Variants in TBX4 observed in about 807,000 individuals in gnomAD.
The protein encoded by TBX4 is T-box transcription factor TBX4.
Under a neutral mutation model 54.6 loss-of-function variants are expected in TBX4, and 13 were observed. The ratio of observed to expected loss-of-function variants is 0.24; its 90% CI spans 0.15 to 0.38. The LOEUF (loss-of-function observed/expected upper bound fraction) is 0.38. Ranked by LOEUF, TBX4 falls within the 10% of genes least tolerant of loss-of-function variation. The pLI is 1.00. For synonymous variants in TBX4, 314 were observed against 306.7 expected (o/e 1.02, Z -0.25); for missense variants, 631 against 728.5 (o/e 0.87, Z 1.54).
chr17:61,453,152 T>C (rs1400295895), intron 1 of TBX4, among the ~76,000 whole-genome samples: 2 of 152,240 alleles, frequency 1.3e-5, no homozygotes, highest in Non-Finnish European at 2.9e-5. Flanking sequence ...ACACGTGAAC[T>C]TCCAAATAAT....
chr17:61,468,440 G>A (rs887634672), intron 5 of TBX4, among the ~76,000 whole-genome samples: 13 of 152,220 alleles, frequency 8.5e-5, no homozygotes, highest in African/African-American at 3.1e-4. Flanking sequence ...GAGACTGCCC[G>A]TGGTTTCTGG....
In TBX4 at chr17:61,480,238, G is replaced by C; in HGVS notation, c.940G>C (p.Ala314Pro). Residue 314 changes from alanine to proline, a missense_variant, in exon 8 of 9, where the codon GCG (alanine) becomes CCG (proline). This residue lies in a region of TBX4 where 354 missense variants were observed against 368.9 expected (regional missense o/e 0.96). Transcript: ENST00000644296. This position sits in a 1 kb window ranked among gnomAD's most constrained non-coding sequence, Gnocchi z 6.2. ...QHENGAHSQLAEPQDLPLSTF... is the reference protein window; with the variant it reads ...QHENGAHSQLPEPQDLPLSTF... Reference sequence around the variant, plus strand: ...CGAGAACGGGGCACACTCACAGCTCGCGGAGCCGCAGGACCTGCCCCTCAG... The same window carrying C: ...CGAGAACGGGGCACACTCACAGCTCCCGGAGCCGCAGGACCTGCCCCTCAG... 6.2e-7 allele frequency: 1 copy of C among 1,614,046 alleles called. No homozygotes were observed. The highest frequency in any genetic ancestry group is 1.1e-5 in the South Asian group (1 of 91,072).
chr17:61,480,499 T>C lies in TBX4; in HGVS notation c.1021+180T>C, dbSNP rs992384223. Among the ~76,000 whole-genome samples, 2 of 152,112 alleles carry C rather than the reference T, an allele frequency of 1.3e-5. No homozygotes were observed. The highest frequency in any genetic ancestry group is 2.9e-5 in the Non-Finnish European group (2 of 68,024). On this transcript the variant is annotated intron_variant, in intron 8 of 8. Coordinates refer to ENST00000644296, the MANE Select transcript of TBX4 (RefSeq NM_001321120.2). This position sits in a 1 kb window ranked among gnomAD's most constrained non-coding sequence, Gnocchi z 6.2. Reference sequence around the variant, plus strand: ...CTGGGCGCAGGGCCATCTTTTCCAGTGCAGGGATGCTGGTTCTCATCTCTC... The same window carrying C: ...CTGGGCGCAGGGCCATCTTTTCCAGCGCAGGGATGCTGGTTCTCATCTCTC...
rs2060647007 is a variant in TBX4 at position 61,479,421 on chromosome 17, G to A, written c.703-460G>A. Among the ~76,000 whole-genome samples the A allele has an allele frequency of 6.6e-6, 1 of 152,212 alleles. No homozygotes were observed. Among genetic ancestry groups the A allele is most frequent in the South Asian group, 2.1e-4 (1 of 4,832 alleles). On this transcript the variant is annotated intron_variant, in intron 6 of 8. Coordinates refer to ENST00000644296, the MANE Select transcript of TBX4 (RefSeq NM_001321120.2). This position sits in a 1 kb window ranked among gnomAD's most constrained non-coding sequence, Gnocchi z 6.1. ...TGTGGTGGATTTTAGGCAGAAGAGT[G>A]ACAGAGTCGGAACTGCATCTAGAAC...
rs1386477800 is a variant in TBX4 at position 61,484,403 on chromosome 17, A to G, written c.*887A>G. The G allele has an allele frequency of 6.6e-6, 1 of 152,110 alleles. No individual in the cohort carries two copies. Among genetic ancestry groups the G allele is most frequent in the Non-Finnish European group, 1.5e-5 (1 of 68,024 alleles). The allele number at this position is 152,110 out of a possible 1,614,324, so 9.4% of individuals were successfully genotyped here. ...CATCTGCATCCTATGATGATGGGCA[A>G]TTATGAAACACGCCTCAGCTGGCAT... On this transcript the variant is annotated 3_prime_UTR_variant, in exon 9 of 9. Coordinates refer to ENST00000644296, the MANE Select transcript of TBX4 (RefSeq NM_001321120.2). This position sits in a 1 kb window ranked among gnomAD's most constrained non-coding sequence, Gnocchi z 4.1.
In TBX4 at chr17:61,476,714, A is replaced by G. The variant is rs2060622910; in HGVS notation, c.550-1913A>G. 1.3e-5 allele frequency among the ~76,000 whole-genome samples: 2 copies of G among 152,192 alleles called. No individual in the cohort carries two copies. Among genetic ancestry groups the G allele is most frequent in the Non-Finnish European group, 2.9e-5 (2 of 68,038 alleles). On this transcript the variant is annotated intron_variant, in intron 5 of 8. Coordinates refer to ENST00000644296, the MANE Select transcript of TBX4 (RefSeq NM_001321120.2). This position sits in a 1 kb window ranked among gnomAD's most constrained non-coding sequence, Gnocchi z 6.5. ...CTGGTTTGGGGTTTGGGAGTTATGT[A>G]CTTGCCTCGTGAAGGTCTGGAGGTT...
intron 1 of TBX4, chr17:61,453,122 T>C (rs2060425346): frequency 2.1e-6 from 1 of 466,012 alleles, no homozygotes; most frequent in Admixed American, 6.4e-5. Flanking sequence ...AAGAAAGGGC[T>C]AATCGGCATA....
chr17:61,480,173 C>T lies in TBX4; in HGVS notation c.875C>T (p.Pro292Leu), dbSNP rs761870318. Residue 292 changes from proline (P) to leucine (L), a missense_variant, in exon 8 of 9, where the codon CCC (proline) becomes CTC (leucine). Physicochemically the swap from Pro to Leu is moderately conservative, Grantham distance 98 (BLOSUM62 -3). This residue lies in a region of TBX4 where 354 missense variants were observed against 368.9 expected (regional missense o/e 0.96). Coordinates refer to ENST00000644296, the MANE Select transcript of TBX4 (RefSeq NM_001321120.2). This position sits in a 1 kb window ranked among gnomAD's most constrained non-coding sequence, Gnocchi z 6.2. ...PQLSATPDVG[P>L]LLGTHQALQH... ...CTCTCAGCCACACCGGACGTGGGCC[C>T]CCTGCTCGGCACCCACCAGGCACTC... 1.6e-5 allele frequency: 26 copies of T among 1,614,046 alleles called. No individual in the cohort carries two copies. The highest frequency in any genetic ancestry group is 1.6e-4 in the Middle Eastern group (1 of 6,084).
rs4968565 is a variant in TBX4 at position 61,457,930 on chromosome 17, G to T, written c.281+299G>T. Among the ~76,000 whole-genome samples, 1 of 152,118 alleles carries T rather than the reference G, an allele frequency of 6.6e-6. No homozygotes were observed. The highest frequency in any genetic ancestry group is 2.4e-5 in the African/African-American group (1 of 41,442). On this transcript the variant is annotated intron_variant, in intron 3 of 8. Coordinates refer to ENST00000644296, the MANE Select transcript of TBX4 (RefSeq NM_001321120.2). This position sits in a 1 kb window ranked among gnomAD's most constrained non-coding sequence, Gnocchi z 8.2. ...CAGCTCCAGCACTTTTGGCCCCCTG[G>T]GGGGCTGCTTTGCCCTCCTCTCTTT...
rs755756182 is a variant in TBX4 at position 61,465,785 on chromosome 17, C to G, written c.282-34C>G. The G allele has an allele frequency of 1.6e-5, 26 of 1,613,054 alleles. No individual in the cohort carries two copies. Among genetic ancestry groups the G allele is most frequent in the Non-Finnish European group, 2.2e-5 (26 of 1,179,458 alleles). Reference sequence around the variant, plus strand: ...TGTTCCATCTCTCCTGGTGCTCTGTCCACACGCTCCGCCTCACCCCTCGGC... The same window carrying G: ...TGTTCCATCTCTCCTGGTGCTCTGTGCACACGCTCCGCCTCACCCCTCGGC... On this transcript the variant is annotated intron_variant, in intron 3 of 8. Transcript: ENST00000644296. The surrounding 1 kb of genome is among the most constrained non-coding windows in gnomAD (Gnocchi z 4.9).
At chr17:61,453,007 G>A (rs993073759) in intron 1 of TBX4, 2 of 984,752 alleles carry the variant, frequency 2.0e-6, no homozygotes, top group Non-Finnish European at 2.4e-6. Context: ...CAGAACACTA[G>A]ACTCAGAGCC....
chr17:61,453,115 A>G, intron 1 of TBX4: 2 of 558,416 alleles, frequency 3.6e-6, no homozygotes, highest in Non-Finnish European at 4.5e-6. Context: ...ATTACCAAAG[A>G]AAGGGCTAAT....
At position 61,454,322 on chromosome 17, in the gene TBX4, C is replaced by G. The variant is rs908501912; in HGVS notation, c.-4+1745C>G. On this transcript the variant is annotated intron_variant, in intron 1 of 8. Coordinates refer to ENST00000644296, the MANE Select transcript of TBX4 (RefSeq NM_001321120.2). ...CTAAAAATGAAAAGAGAAATGCTGT[C>G]GTCTTTGGAAAACGAGGCAGCTGAA... Among the ~76,000 whole-genome samples, 18 of 152,402 alleles carry G rather than the reference C, an allele frequency of 1.2e-4. 1 individual carries two copies. The highest frequency in any genetic ancestry group is 4.1e-4 in the African/African-American group (17 of 41,602).
intron 5 of TBX4, among the ~76,000 whole-genome samples, chr17:61,473,048 T>C (rs1301995895): frequency 6.6e-6 from 1 of 152,242 alleles, no homozygotes; most frequent in Non-Finnish European, 1.5e-5. Context: ...TAGAATAAGC[T>C]TGTAGTGTTA....
intron 1 of TBX4, among the ~76,000 whole-genome samples, chr17:61,455,146 C>T (rs2060437417): frequency 6.6e-6 from 1 of 152,224 alleles, no homozygotes; most frequent in South Asian, 2.1e-4. Flanking sequence ...TTTTCCCAAC[C>T]CAGACTGGCC....
chr17:61,482,935 T>C lies in TBX4; in HGVS notation c.1060T>C (p.Ser354Pro). 6.2e-7 allele frequency: 1 copy of C among 1,613,916 alleles called. No individual in the cohort carries two copies. The highest frequency in any genetic ancestry group is 8.5e-7 in the Non-Finnish European group (1 of 1,179,950). ...TRHLDLPCKR[S>P]YLEAPSSVGE... ...CCACCTGGACTTACCTTGCAAGCGA[T>C]CCTATCTGGAAGCCCCCTCTTCGGT... Residue 354 changes from serine to proline, a missense_variant, in exon 9 of 9, where the codon TCC becomes CCC. By Grantham distance (74) the Ser-to-Pro change is moderately conservative. This residue lies in a region of TBX4 where 354 missense variants were observed against 368.9 expected (regional missense o/e 0.96). Coordinates refer to ENST00000644296, the MANE Select transcript of TBX4 (RefSeq NM_001321120.2).
chr17:61,473,932 G>A (rs893700003), intron 5 of TBX4, among the ~76,000 whole-genome samples: 10 of 152,204 alleles, frequency 6.6e-5, no homozygotes, highest in South Asian at 4.1e-4. Context: ...AGTGTTGCTC[G>A]CATGGGAGTG....
In TBX4 at chr17:61,476,607, C is replaced by T. The variant is rs530291700; in HGVS notation, c.550-2020C>T. On this transcript the variant is annotated intron_variant, in intron 5 of 8. Coordinates refer to ENST00000644296, the MANE Select transcript of TBX4 (RefSeq NM_001321120.2). The surrounding 1 kb of genome is among the most constrained non-coding windows in gnomAD (Gnocchi z 6.5). ...GGACAGACATCGAGGCCTCTCTGAG[C>T]GGGACCTGTGTCCTGTAGCCTCACT... is the stretch of plus-strand genomic sequence containing the variant. Among the ~76,000 whole-genome samples, 17 of 152,356 alleles carry T rather than the reference C, an allele frequency of 1.1e-4. No homozygotes were observed. The highest frequency in any genetic ancestry group is 2.1e-4 in the South Asian group (1 of 4,820).
intron 4 of TBX4, 82 bp from the exon 5 acceptor site, chr17:61,467,428 G>A (rs1308164539): frequency 6.4e-7 from 1 of 1,560,080 alleles, no homozygotes; most frequent in Non-Finnish European, 8.8e-7. Context: ...TGGTCAATGG[G>A]GGTTTGCTCC....
Sources: allele counts gnomAD v4.1 joint callset (sites outside exome capture counted in the v4.1 genomes callset), GRCh38; gene constraint gnomAD v4.1.1; regional missense constraint gnomAD v4.1.1; non-coding constraint Gnocchi (gnomAD v3.1); transcripts MANE v1.5; gene names NCBI Gene and HGNC (gene_info 2026-07-23, HGNC 2026-07-21).